RBFOX1: variants seen among roughly 807,000 people sequenced by gnomAD.
RBFOX1 encodes RNA binding fox-1 homolog 1.
In RBFOX1, 8 loss-of-function variants were observed where a neutral mutation model predicts 57.7. That is an observed-to-expected ratio of 0.14 (90% confidence interval 0.08 to 0.25). The LOEUF (loss-of-function observed/expected upper bound fraction) is 0.25, where lower values mean the gene tolerates loss of function less well. RBFOX1 is among the 10% of genes least tolerant of loss of function. RBFOX1 has a pLI of 1.00. For missense variants in RBFOX1, 611 were observed against 548.5 expected (o/e 1.11, Z -1.14); for synonymous variants, 326 against 222.4 (o/e 1.47, Z -4.15).
At chr16:7,702,381 C>A (rs1990299) in intron 14 of RBFOX1, among the ~76,000 whole-genome samples, 1 of 152,188 alleles carries the variant, frequency 6.6e-6, no homozygotes, top group Admixed American at 6.5e-5. Flanking sequence ...GAGGGGACCT[C>A]TCTGCAGTTG....
chr16:5,697,889 C>T (rs1028703837), intron 3 of RBFOX1, among the ~76,000 whole-genome samples: 1 of 152,008 alleles, frequency 6.6e-6, no homozygotes, highest in African/African-American at 2.4e-5. Flanking sequence ...TGGTAGATAA[C>T]CATAATAGGT....
intron 4 of RBFOX1, among the ~76,000 whole-genome samples, chr16:7,317,607 G>C (rs899075992): frequency 2.6e-5 from 4 of 152,182 alleles, no homozygotes; most frequent in African/African-American, 9.7e-5. Context: ...TTCTAATATG[G>C]TGGGTGAGAA....
In RBFOX1 at chr16:7,707,397, G is replaced by A. The variant is rs72636236; in HGVS notation, c.996-1659G>A. Among the ~76,000 whole-genome samples, 1,881 of 152,196 alleles carry A rather than the reference G, an allele frequency of 0.012. 132 individuals are homozygous for A. In the East Asian group the frequency reaches 0.21, roughly 17 times the overall value. Reference sequence around the variant, plus strand: ...AGAAAGCTTGGAAGGAAAATGGGGGGAAAACAGGAAAGGAGAGGGAAAAGG... The same window carrying A: ...AGAAAGCTTGGAAGGAAAATGGGGGAAAAACAGGAAAGGAGAGGGAAAAGG... On this transcript the variant is annotated intron_variant, in intron 14 of 15. Transcript: ENST00000550418.
intron 3 of RBFOX1, among the ~76,000 whole-genome samples, chr16:7,009,233 C>T (rs540434214): frequency 9.9e-4 from 125 of 126,138 alleles, no homozygotes; most frequent in Non-Finnish European, 1.6e-3. Context: ...TTTCTTTTTT[C>T]TTCTTGTCTA....
chr16:6,483,159 G>A (rs1399505994), intron 2 of RBFOX1: 8 of 1,090,420 alleles, frequency 7.3e-6, no homozygotes, highest in Non-Finnish European at 8.9e-6. Context: ...CAAAAACATT[G>A]GGCGTCTCAT....
chr16:6,513,404 G>T (rs1200139209), intron 2 of RBFOX1, among the ~76,000 whole-genome samples: 1 of 152,116 alleles, frequency 6.6e-6, no homozygotes, highest in Non-Finnish European at 1.5e-5. Context: ...CAGGGGAAGA[G>T]AGAGCACATT....
chr16:5,777,319 C>T (rs1319781018), intron 3 of RBFOX1, among the ~76,000 whole-genome samples: 3 of 152,202 alleles, frequency 2.0e-5, no homozygotes, highest in Non-Finnish European at 2.9e-5. Flanking sequence ...GACCCTGCTG[C>T]CTTCTTCTGA....
At chr16:6,682,848 A>G (rs1166470044) in intron 3 of RBFOX1, among the ~76,000 whole-genome samples, 1 of 144,984 alleles carries the variant, frequency 6.9e-6, no homozygotes, top group African/African-American at 2.6e-5. Context: ...AAAAGAGAAC[A>G]TTTTTGAAAA....
At chr16:6,741,192 A>T (rs752083032) in intron 3 of RBFOX1, among the ~76,000 whole-genome samples, 3 of 152,176 alleles carry the variant, frequency 2.0e-5, no homozygotes, top group Non-Finnish European at 4.4e-5. Context: ...ATAAATAATA[A>T]ATCTTGACCT....
At chr16:7,042,444 T>G (rs568364812) in intron 3 of RBFOX1, among the ~76,000 whole-genome samples, 71 of 152,348 alleles carry the variant, frequency 4.7e-4, no homozygotes, top group Non-Finnish European at 9.3e-4. Flanking sequence ...TCACTCACTC[T>G]GTGCCTCAGT....
At chr16:6,547,101 A>T (rs1029181910) in intron 2 of RBFOX1, among the ~76,000 whole-genome samples, 2 of 152,198 alleles carry the variant, frequency 1.3e-5, no homozygotes, top group Non-Finnish European at 2.9e-5. Context: ...GCCCAACTCT[A>T]TTGCATTGAG....
At chr16:6,363,298 A>T (rs1262077683) in intron 2 of RBFOX1, among the ~76,000 whole-genome samples, 2 of 152,192 alleles carry the variant, frequency 1.3e-5, no homozygotes, top group Non-Finnish European at 2.9e-5. Flanking sequence ...TTCCATCCCA[A>T]GGGATGGTTT....
At chr16:6,365,586 C>A (rs1243575566) in intron 2 of RBFOX1, among the ~76,000 whole-genome samples, 1 of 152,148 alleles carries the variant, frequency 6.6e-6, no homozygotes, top group Non-Finnish European at 1.5e-5. Flanking sequence ...CACTGGGGTG[C>A]TGACATATGC....
chr16:7,573,914 G>A (rs567553377), intron 5 of RBFOX1, among the ~76,000 whole-genome samples: 2 of 152,002 alleles, frequency 1.3e-5, no homozygotes, highest in African/African-American at 4.8e-5. Flanking sequence ...TACAGCTTTA[G>A]GAACTATAAC....
intron 3 of RBFOX1, among the ~76,000 whole-genome samples, chr16:6,960,013 A>G (rs1294353212): frequency 1.3e-5 from 2 of 152,180 alleles, no homozygotes; most frequent in Non-Finnish European, 2.9e-5. Context: ...AAACCCCCCA[A>G]GAGTTTTGCC....
At chr16:7,480,611 G>T (rs538235394) in intron 4 of RBFOX1, among the ~76,000 whole-genome samples, 1 of 152,116 alleles carries the variant, frequency 6.6e-6, no homozygotes. Flanking sequence ...TTTCATCTGC[G>T]GATTCCCTCT....
rs113448120 is a variant in RBFOX1 at position 7,553,498 on chromosome 16, T to C, written c.271-26279T>C. Reference sequence around the variant, plus strand: ...CATAGCCTAAGATCTTCCATAACAATTAAAAATGAGTGTCAGACATGCAGG... The same window carrying C: ...CATAGCCTAAGATCTTCCATAACAACTAAAAATGAGTGTCAGACATGCAGG... On this transcript the variant is annotated intron_variant, in intron 5 of 15. Coordinates refer to ENST00000550418, the MANE Select transcript of RBFOX1 (RefSeq NM_018723.4). Among the ~76,000 whole-genome samples, 387 of 152,258 alleles carry C rather than the reference T, an allele frequency of 2.5e-3. 1 individual carries two copies. The highest frequency in any genetic ancestry group is 8.8e-3 in the African/African-American group (365 of 41,548).
intron 1 of RBFOX1, among the ~76,000 whole-genome samples, chr16:6,296,820 C>T (rs533989660): frequency 5.9e-5 from 9 of 152,170 alleles, no homozygotes; most frequent in African/African-American, 1.4e-4. Context: ...GTTACCACAC[C>T]GAGGTACCGG....
chr16:7,360,728 A>G (rs1242366295), intron 4 of RBFOX1, among the ~76,000 whole-genome samples: 1 of 152,188 alleles, frequency 6.6e-6, no homozygotes, highest in African/African-American at 2.4e-5. Flanking sequence ...ACACACAGCC[A>G]ATGTCCCACA....
Sources: gnomAD v4.1 joint callset for allele counts (sites outside exome capture counted in the v4.1 genomes callset) on GRCh38, gnomAD v4.1.1 for gene constraint, MANE v1.5 for transcripts, NCBI Gene and HGNC (gene_info 2026-07-23, HGNC 2026-07-21) for gene names.